SNCAIP: variants seen among roughly 807,000 people sequenced by gnomAD.
SNCAIP encodes the protein synuclein alpha interacting protein, also known as synphilin-1.
Under a neutral mutation model 86.7 loss-of-function variants are expected in SNCAIP, and 43 were observed. The ratio of observed to expected loss-of-function variants is 0.50; its 90% CI spans 0.39 to 0.64. The LOEUF (loss-of-function observed/expected upper bound fraction) is 0.64, where lower values mean the gene tolerates loss of function less well. SNCAIP is among the 30% of genes least tolerant of loss of function. The probability of loss-of-function intolerance (pLI) is 0.00; values close to 1 mark genes in which losing one functional copy is unlikely to be tolerated. For synonymous variants in SNCAIP, 417 were observed against 427.2 expected (o/e 0.98, Z 0.29); for missense variants, 981 against 1,103.1 (o/e 0.89, Z 1.57).
chr5:122,417,614 T>C (rs1383973923), intron 3 of SNCAIP, among the ~76,000 whole-genome samples: 1 of 152,198 alleles, frequency 6.6e-6, no homozygotes, highest in African/African-American at 2.4e-5. Flanking sequence ...ATTTATTTAC[T>C]ATACTTTTCT....
At chr5:122,346,278 C>A (rs1758609597) in intron 1 of SNCAIP, among the ~76,000 whole-genome samples, 1 of 152,126 alleles carries the variant, frequency 6.6e-6, no homozygotes, top group South Asian at 2.1e-4. Flanking sequence ...ATAAATTATG[C>A]TCATGGAGAC....
rs368811073 is a variant in SNCAIP, at chr5:122,410,465, A to G, written c.130+6600A>G. On this transcript the variant is annotated intron_variant, in intron 3 of 10. Transcript: ENST00000261368. ...TTTCTGAGAGGAAAGATGTAGGTCA[A>G]TGTTCATAAAGATGGGGGCAGGAGG... Among the ~76,000 whole-genome samples, 13 of 152,304 alleles carry G rather than the reference A, an allele frequency of 8.5e-5. No homozygotes were observed. In the South Asian group the frequency reaches 1.2e-3, roughly 15 times the overall value.
chr5:122,393,824 A>T (rs1344057079), intron 2 of SNCAIP, among the ~76,000 whole-genome samples: 1 of 152,194 alleles, frequency 6.6e-6, no homozygotes, highest in Non-Finnish European at 1.5e-5. Context: ...ATTTAGTGTG[A>T]TCCAGACTTC....
chr5:122,393,139 T>A (rs1163584209), intron 2 of SNCAIP, among the ~76,000 whole-genome samples: 3 of 152,232 alleles, frequency 2.0e-5, no homozygotes, highest in African/African-American at 7.2e-5. Context: ...CCATCTGTAA[T>A]TGTGTAACTG....
chr5:122,349,439 C>T (rs772658921), intron 1 of SNCAIP, among the ~76,000 whole-genome samples: 13 of 152,042 alleles, frequency 8.6e-5, no homozygotes, highest in East Asian at 3.8e-4. Flanking sequence ...TTCCAACTAA[C>T]GAAATGAATA....
chr5:122,434,494 G>A (rs1778997137), intron 6 of SNCAIP, among the ~76,000 whole-genome samples: 2 of 152,150 alleles, frequency 1.3e-5, no homozygotes, highest in Non-Finnish European at 1.5e-5. Flanking sequence ...CTTACTTGGT[G>A]GGACTAGAGG....
chr5:122,420,126 CA>C (rs1233710528), intron 3 of SNCAIP, among the ~76,000 whole-genome samples: 1 of 152,150 alleles, frequency 6.6e-6, no homozygotes, highest in Non-Finnish European at 1.5e-5. Context: ...CTCACAGCCT[CA>C]AAAAGAGCCA....
intron 1 of SNCAIP, among the ~76,000 whole-genome samples, chr5:122,322,051 A>G (rs1006190139): frequency 6.6e-6 from 1 of 152,234 alleles, no homozygotes; most frequent in Non-Finnish European, 1.5e-5. Context: ...AACAAGGCCA[A>G]CTGACATATA....
At chr5:122,443,746 G>C in intron 7 of SNCAIP, 1 of 442,318 alleles carries the variant, frequency 2.3e-6, no homozygotes, top group Non-Finnish European at 4.6e-6. Context: ...CAACCTCCCT[G>C]AAAGTTGTCC....
intron 1 of SNCAIP, among the ~76,000 whole-genome samples, chr5:122,330,274 A>G (rs1473345099): frequency 6.6e-6 from 1 of 151,404 alleles, no homozygotes; most frequent in Non-Finnish European, 1.5e-5. Context: ...GGCGCCCGCC[A>G]CTACGCCCGG....
intron 1 of SNCAIP, among the ~76,000 whole-genome samples, chr5:122,340,833 TC>T (rs1237222371): frequency 3.3e-5 from 5 of 152,214 alleles, no homozygotes; most frequent in Admixed American, 6.5e-5. Context: ...ATCACCTGTA[TC>T]TAGATAAATT....
intron 1 of SNCAIP, among the ~76,000 whole-genome samples, chr5:122,352,530 G>A (rs567237107): frequency 6.6e-6 from 1 of 152,288 alleles, no homozygotes; most frequent in South Asian, 2.1e-4. Context: ...CTCATCAATT[G>A]TGGGCAAATG....
At chr5:122,427,044 A>G (rs1777513103) in intron 5 of SNCAIP, among the ~76,000 whole-genome samples, 1 of 152,222 alleles carries the variant, frequency 6.6e-6, no homozygotes, top group Non-Finnish European at 1.5e-5. Flanking sequence ...AGCATGTGTC[A>G]GTGATAAATA....
chr5:122,379,953 T>C (rs1040482719), intron 1 of SNCAIP, among the ~76,000 whole-genome samples: 2 of 152,190 alleles, frequency 1.3e-5, no homozygotes, highest in South Asian at 4.1e-4. Flanking sequence ...AGTATTTTAT[T>C]GAGGATTTTT....
At chr5:122,393,317 A>G (rs1769835975) in intron 2 of SNCAIP, among the ~76,000 whole-genome samples, 1 of 152,234 alleles carries the variant, frequency 6.6e-6, no homozygotes, top group East Asian at 1.9e-4. Context: ...ACCATGGGAC[A>G]GGCATTATCT....
intron 1 of SNCAIP, among the ~76,000 whole-genome samples, chr5:122,325,068 A>G (rs1225284470): frequency 6.6e-6 from 1 of 152,090 alleles, no homozygotes; most frequent in Non-Finnish European, 1.5e-5. Context: ...CAGTATTTTG[A>G]TATGGTTTCT....
At chr5:122,452,994 C>CT in intron 10 of SNCAIP, 2 of 1,537,452 alleles carry the variant, frequency 1.3e-6, no homozygotes, top group Non-Finnish European at 1.8e-6. Context: ...TAACGACACA[C>CT]GGTACGTGGT....
At chr5:122,369,064 A>G (rs1763750159) in intron 1 of SNCAIP, among the ~76,000 whole-genome samples, 1 of 152,210 alleles carries the variant, frequency 6.6e-6, no homozygotes, top group Non-Finnish European at 1.5e-5. Flanking sequence ...CAAGAAGGCA[A>G]GCACTCCCAC....
chr5:122,432,809 T>C (rs1305191977), intron 6 of SNCAIP, among the ~76,000 whole-genome samples: 1 of 152,160 alleles, frequency 6.6e-6, no homozygotes, highest in East Asian at 1.9e-4. Flanking sequence ...CTGTGAGTTA[T>C]CTTTTTAAAA....
Sources: allele counts gnomAD v4.1 joint callset (sites outside exome capture counted in the v4.1 genomes callset), GRCh38; gene constraint gnomAD v4.1.1; transcripts MANE v1.5; gene names NCBI Gene and HGNC (gene_info 2026-07-23, HGNC 2026-07-21).